Variants in UPB1 observed in about 807,000 individuals in gnomAD.
UPB1 encodes beta-ureidopropionase 1.
In UPB1, 40 loss-of-function variants were observed where a neutral mutation model predicts 49.1. The observed-to-expected ratio is 0.81, with a 90% CI of 0.63 to 1.06. UPB1 has a LOEUF of 1.06. UPB1 is among the 50% of genes least tolerant of loss of function. The probability of loss-of-function intolerance (pLI) is 0.00; values close to 1 mark genes in which losing one functional copy is unlikely to be tolerated. For missense variants in UPB1, 499 were observed against 505.9 expected (o/e 0.99, Z 0.13); for synonymous variants, 207 against 198.2 (o/e 1.04, Z -0.38).
intron 2 of UPB1, among the ~76,000 whole-genome samples, chr22:24,500,491 C>T (rs575063580): frequency 6.6e-6 from 1 of 152,368 alleles, no homozygotes; most frequent in East Asian, 1.9e-4. Context: ...TCTCTCCCTC[C>T]TCCTCACTGA....
rs1389542173 is a variant in UPB1 at position 24,500,182 on chromosome 22, A to G, written c.180A>G (p.Glu60=). 5.0e-6 allele frequency: 8 copies of G among 1,614,236 alleles called. No homozygotes were observed. The highest frequency in any genetic ancestry group is 2.2e-5 in the East Asian group (1 of 44,890). Residue 60 remains glutamate (E), a synonymous_variant, in exon 2 of 10, where the codon GAA becomes GAG. Coordinates refer to ENST00000326010, the MANE Select transcript of UPB1 (RefSeq NM_016327.3). ...EDFELQGYAF[E]AAEEQLRRPR... The stretch of plus-strand genomic sequence containing the variant: ...TTGAACTGCAGGGATATGCCTTTGA[A>G]GCAGCGGAGGAGCAGCTGAGACGAC...
rs751226251 is a variant in UPB1, at chr22:24,525,663, G to A, written c.1072-48G>A. The A allele has an allele frequency of 5.0e-6, 8 of 1,611,386 alleles. No individual in the cohort carries two copies. In the Admixed American group the frequency reaches 5.0e-5, roughly 10 times the overall value. Reference sequence around the variant, plus strand: ...GAGGTGGTGGCGTGTAAGTGATGGGGATTTATAAAACCAGAACCTCTAAAG... The same window carrying A: ...GAGGTGGTGGCGTGTAAGTGATGGGAATTTATAAAACCAGAACCTCTAAAG... On this transcript the variant is annotated intron_variant, in intron 9 of 9. Transcript: ENST00000326010.
chr22:24,520,250 A>G, intron 6 of UPB1, 137 bp from the exon 7 acceptor site: 1 of 984,712 alleles, frequency 1.0e-6, no homozygotes, highest in South Asian at 1.4e-5. Context: ...CTGGCCCAGG[A>G]AAGCCTGCAG....
intron 3 of UPB1, chr22:24,502,828 T>G: frequency 2.7e-6 from 1 of 375,382 alleles, no homozygotes; most frequent in Non-Finnish European, 4.9e-6. Context: ...CTTTCTTGCC[T>G]CCTCCTGGCC....
chr22:24,500,427 C>T, intron 2 of UPB1, 149 bp downstream of exon 2: 1 of 922,024 alleles, frequency 1.1e-6, no homozygotes, highest in Non-Finnish European at 1.7e-6. Context: ...CCTGGCCTCC[C>T]CACATCCCTC....
At chr22:24,524,680 G>A (rs572023145) in intron 9 of UPB1, among the ~76,000 whole-genome samples, 3 of 152,066 alleles carry the variant, frequency 2.0e-5, no homozygotes, top group Admixed American at 1.3e-4. Context: ...TATAGAGACC[G>A]AGTCTCACTA....
intron 8 of UPB1, among the ~76,000 whole-genome samples, chr22:24,523,104 G>A (rs2044424528): frequency 6.6e-6 from 1 of 152,160 alleles, no homozygotes; most frequent in Non-Finnish European, 1.5e-5. Context: ...TGCAGAAAGG[G>A]CAGGGGAATG....
intron 1 of UPB1, among the ~76,000 whole-genome samples, chr22:24,499,457 T>G (rs1374439419): frequency 6.6e-6 from 1 of 152,176 alleles, no homozygotes; most frequent in African/African-American, 2.4e-5. Context: ...TTATAACTAA[T>G]TCTCTAGCCT....
Position 24,510,768 on chromosome 22 carries a change from T to TA in UPB1, c.385dup (p.Thr129AsnfsTer12), listed in dbSNP as rs776707691. 6.2e-7 allele frequency: 1 copy of TA among 1,614,134 alleles called. No individual in the cohort carries two copies. Among genetic ancestry groups the TA allele is most frequent in the East Asian group, 2.2e-5 (1 of 44,886 alleles). Reference sequence around the variant, plus strand: ...TTATAGCTATGCCCTTTGCCTTCTGTACGAGAGAGAAGCTTCCTTGGACAG... The same window carrying TA: ...TTATAGCTATGCCCTTTGCCTTCTGTAACGAGAGAGAAGCTTCCTTGGACAG... On this transcript the variant is annotated frameshift_variant, in exon 4 of 10. Transcript: ENST00000326010. LOFTEE classifies it high-confidence loss of function.
chr22:24,522,034 T>C lies in UPB1; in HGVS notation c.916+6T>C. ...CTCGGGAGATGGAAAGAAAGGTATG[T>C]CCCATGAACCATGGTGGCTGCAGTT... On this transcript the variant is annotated splice_donor_region_variant and intron_variant, in intron 8 of 9. Coordinates refer to ENST00000326010, the MANE Select transcript of UPB1 (RefSeq NM_016327.3). The C allele has an allele frequency of 6.2e-7, 1 of 1,613,806 alleles. No individual in the cohort carries two copies. Among genetic ancestry groups the C allele is most frequent in the Non-Finnish European group, 8.5e-7 (1 of 1,179,946 alleles).
chr22:24,500,269 G>T lies in UPB1; in HGVS notation c.267G>T (p.Val89=). 1 of 1,614,164 alleles carries T rather than the reference G, an allele frequency of 6.2e-7. No homozygotes were observed. Among genetic ancestry groups the T allele is most frequent in the Non-Finnish European group, 8.5e-7 (1 of 1,180,038 alleles). Residue 89 remains valine, a synonymous_variant, in exon 2 of 10, where the codon GTG becomes GTT. Transcript: ENST00000326010. Reference sequence around the variant, plus strand: ...TCCCCCTCCCCGCAAATGCCCCTGTGGCAGAACAGGTGCAGACTCTTTTGA... The same window carrying T: ...TCCCCCTCCCCGCAAATGCCCCTGTTGCAGAACAGGTGCAGACTCTTTTGA... ...NRIPLPANAP[V]AEQVSALHRR...
Position 24,510,828 on chromosome 22 carries a change from C to G in UPB1, c.444C>G (p.Thr148=). 6.2e-7 allele frequency: 1 copy of G among 1,614,206 alleles called. No individual in the cohort carries two copies. The highest frequency in any genetic ancestry group is 8.5e-7 in the Non-Finnish European group (1 of 1,180,036). ...AGTCAGCAGAGGATGGGCCCACCAC[C>G]AGATTCTGTCAGAAGGTAGGACATT... ...FAESAEDGPT[T]RFCQKLAKNH... Residue 148 remains threonine (T), a synonymous_variant, in exon 4 of 10, where the codon ACC becomes ACG. Coordinates refer to ENST00000326010, the MANE Select transcript of UPB1 (RefSeq NM_016327.3).
intron 6 of UPB1, among the ~76,000 whole-genome samples, chr22:24,515,804 T>C (rs1263861410): frequency 6.6e-6 from 1 of 152,048 alleles, no homozygotes. Context: ...GGTGAAACCC[T>C]GTCTCTACTA....
Position 24,502,164 on chromosome 22 carries a change from G to GA in UPB1, c.315_316insA (p.Val106SerfsTer35). The GA allele has an allele frequency of 6.2e-7, 1 of 1,614,210 alleles. No individual in the cohort carries two copies. Among genetic ancestry groups the GA allele is most frequent in the Non-Finnish European group, 8.5e-7 (1 of 1,180,038 alleles). On this transcript the variant is annotated frameshift_variant, in exon 3 of 10. Transcript: ENST00000326010. LOFTEE classifies it high-confidence loss of function. ...ATAGACGCATAAAGGCTATCGTAGA[G>GA]GTGGCTGCAATGTGTGGAGTCAACA...
In UPB1 at chr22:24,526,866, T is replaced by C. The variant is rs893272061; in HGVS notation, c.*1072T>C. ...GTGCCCAGAGTTCCAGCCTGCCCTT[T>C]CTGATGGCTTGTCCTGTGGATATCA... On this transcript the variant is annotated 3_prime_UTR_variant, in exon 10 of 10. Transcript: ENST00000326010. 3 of 152,210 alleles carry C rather than the reference T, an allele frequency of 2.0e-5. No homozygotes were observed. Among genetic ancestry groups the C allele is most frequent in the Admixed American group, 1.3e-4 (2 of 15,280 alleles). The allele number at this position is 152,210 out of a possible 1,614,324, so 9.4% of individuals were successfully genotyped here. A position where few individuals can be genotyped will look rare whatever the true frequency, so the allele number is the denominator to read the frequency against.
At chr22:24,495,969 C>A (rs932644655) in intron 1 of UPB1, among the ~76,000 whole-genome samples, 3 of 152,172 alleles carry the variant, frequency 2.0e-5, no homozygotes, top group South Asian at 2.1e-4. Flanking sequence ...GGCGAGGGAA[C>A]CTTTCCCACT....
chr22:24,502,308 A>G (rs745938074), intron 3 of UPB1, 95 bp downstream of exon 3: 1 of 1,330,528 alleles, frequency 7.5e-7, no homozygotes, highest in Middle Eastern at 1.8e-4. Flanking sequence ...CTTTTAAAGA[A>G]TCTCCTTTGT....
At position 24,517,810 on chromosome 22, in the gene UPB1, G is replaced by T. The variant is rs62231895; in HGVS notation, c.791+2440G>T. On this transcript the variant is annotated intron_variant, in intron 6 of 9. Coordinates refer to ENST00000326010, the MANE Select transcript of UPB1 (RefSeq NM_016327.3). ...AGTATGTTTCATGAGCTCCTAAAAT[G>T]CTCATGCCCTTTGGCCTGATAATGA... 6.1e-3 allele frequency among the ~76,000 whole-genome samples: 934 copies of T among 152,314 alleles called. 8 individuals are homozygous for T. Among genetic ancestry groups the T allele is most frequent in the South Asian group, 0.018 (85 of 4,834 alleles).
intron 3 of UPB1, among the ~76,000 whole-genome samples, chr22:24,506,043 C>T (rs1321902445): frequency 6.6e-5 from 6 of 90,292 alleles, no homozygotes; most frequent in African/African-American, 1.8e-4. Flanking sequence ...TTTTTTCAGA[C>T]GGAATCTTGT....
Sources: allele counts gnomAD v4.1 joint callset (sites outside exome capture counted in the v4.1 genomes callset), GRCh38; gene constraint gnomAD v4.1.1; transcripts MANE v1.5; gene names NCBI Gene and HGNC (gene_info 2026-07-23, HGNC 2026-07-21).